Variants in SEPTIN12 observed in about 807,000 individuals in gnomAD.
The protein encoded by SEPTIN12 is septin-12.
Under a neutral mutation model 37.7 loss-of-function variants are expected in SEPTIN12, and 42 were observed. The observed-to-expected ratio is 1.11, with a 90% CI of 0.87 to 1.44. The LOEUF (loss-of-function observed/expected upper bound fraction) is 1.44. Ranked by LOEUF, SEPTIN12 falls within the 40% of genes most tolerant of loss-of-function variation. SEPTIN12 has a pLI of 0.00. For missense variants in SEPTIN12, 613 were observed against 479.2 expected, an observed-to-expected ratio of 1.28 and a Z score of -2.61; for synonymous variants, 254 against 196.7, an observed-to-expected ratio of 1.29 and a Z score of -2.44.
intron 4 of SEPTIN12, among the ~76,000 whole-genome samples, chr16:4,785,249 TA>T (rs34269550): frequency 0.42 from 60,206 of 143,906 alleles, 12,372 homozygotes; most frequent in Admixed American, 0.5. Flanking sequence ...GAGTCTGTCT[TA>T]AAAAAAAAAA....
In SEPTIN12 at chr16:4,779,716, C is replaced by T. The variant is rs764804787; in HGVS notation, c.797G>A (p.Arg266Gln). The stretch of plus-strand genomic sequence containing the variant: ...TTCAATGATGCCCCACTTGGTCTTC[C>T]GGCCCAGGACACACCTCCCGTTCAC... ...HLVNGRCVLG[R>Q]KTKWGIIEVE... is the part of the protein sequence containing the mutation. The change falls in exon 8 of 10, where the codon CGG becomes CAG. Residue 266 changes from arginine to glutamine, a missense_variant. Arg to Gln is a conservative substitution (Grantham distance 43). Transcript: ENST00000268231. 2.0e-5 allele frequency: 33 copies of T among 1,613,198 alleles called. No individual in the cohort carries two copies. Among genetic ancestry groups the T allele is most frequent in the Admixed American group, 1.8e-4 (11 of 59,986 alleles).
chr16:4,782,009 G>A (rs1167692015), intron 7 of SEPTIN12, among the ~76,000 whole-genome samples: 1 of 139,420 alleles, frequency 7.2e-6, no homozygotes, highest in Admixed American at 7.7e-5. Context: ...GGAGTGCAGT[G>A]TCACAATCTC....
intron 7 of SEPTIN12, among the ~76,000 whole-genome samples, chr16:4,780,123 T>C (rs1024775149): frequency 6.6e-6 from 1 of 152,016 alleles, no homozygotes; most frequent in Non-Finnish European, 1.5e-5. Flanking sequence ...TTATATTATA[T>C]AGCGTATTAT....
rs1011340009 is a variant in SEPTIN12, at chr16:4,781,275, C to A, written c.727-1489G>T. Among the ~76,000 whole-genome samples the A allele has an allele frequency of 4.6e-4, 68 of 149,012 alleles. 1 individual carries two copies. The highest frequency in any genetic ancestry group is 1.7e-3 in the African/African-American group (68 of 39,166). ...CTCCATCTAAAAAAAAAAAAAAGAC[C>A]CTATCTCATAAAAAAAACAACATTA... is the stretch of plus-strand genomic sequence containing the variant. On this transcript the variant is annotated intron_variant, in intron 7 of 9. Coordinates refer to ENST00000268231, the MANE Select transcript of SEPTIN12 (RefSeq NM_144605.5).
At chr16:4,779,583 G>A in intron 8 of SEPTIN12, 107 bp downstream of exon 8, 1 of 772,160 alleles carries the variant, frequency 1.3e-6, no homozygotes, top group Non-Finnish European at 2.3e-6. Flanking sequence ...TCTTTGTCTA[G>A]TGGGCTTCAC....
At position 4,787,470 on chromosome 16, in the gene SEPTIN12, T is replaced by A; in HGVS notation, c.166+10A>T. The stretch of plus-strand genomic sequence containing the variant: ...GGTCTGTCCTGCCGTGGGCCCTACC[T>A]CTCACTCACCCACCACCATGATGTT... On this transcript the variant is annotated intron_variant, in intron 2 of 9. Coordinates refer to ENST00000268231, the MANE Select transcript of SEPTIN12 (RefSeq NM_144605.5). 1 of 1,611,600 alleles carries A rather than the reference T, an allele frequency of 6.2e-7. No individual in the cohort carries two copies. Among genetic ancestry groups the A allele is most frequent in the East Asian group, 2.2e-5 (1 of 44,868 alleles).
chr16:4,786,139 TG>T (rs780329745), intron 2 of SEPTIN12, 34 bp from the exon 3 acceptor site: 64 of 1,536,044 alleles, frequency 4.2e-5, no homozygotes, highest in Non-Finnish European at 5.4e-5. Flanking sequence ...GCAGTTAGGG[TG>T]GGCGTTTTAG....
intron 7 of SEPTIN12, among the ~76,000 whole-genome samples, chr16:4,780,805 C>A (rs756853529): frequency 6.6e-6 from 1 of 152,080 alleles, no homozygotes; most frequent in Non-Finnish European, 1.5e-5. Context: ...ATGGTGAAAC[C>A]CTGTCTCTAG....
chr16:4,782,792 A>G (rs1333872116), intron 7 of SEPTIN12, among the ~76,000 whole-genome samples: 2 of 151,576 alleles, frequency 1.3e-5, no homozygotes. Context: ...TTTAGTAGAG[A>G]CGGGGTTTCG....
chr16:4,778,729 G>A (rs529563609), intron 8 of SEPTIN12, among the ~76,000 whole-genome samples: 9 of 152,178 alleles, frequency 5.9e-5, no homozygotes, highest in Non-Finnish European at 1.3e-4. Flanking sequence ...GAACCTGAGA[G>A]GCGGAAGTTG....
At chr16:4,779,580 C>T in intron 8 of SEPTIN12, 110 bp downstream of exon 8, 1 of 765,340 alleles carries the variant, frequency 1.3e-6, no homozygotes, top group Non-Finnish European at 2.3e-6. Context: ...GGCTCTTTGT[C>T]TAGTGGGCTT....
chr16:4,789,779 C>G (rs1329843810), upstream of SEPTIN12, among the ~76,000 whole-genome samples: 1 of 152,102 alleles, frequency 6.6e-6, no homozygotes, highest in Non-Finnish European at 1.5e-5. Context: ...TTTCTTATAC[C>G]AAGTCCATCT....
intron 8 of SEPTIN12, 135 bp downstream of exon 8, chr16:4,779,555 G>A: frequency 2.9e-6 from 2 of 692,820 alleles, no homozygotes; most frequent in Non-Finnish European, 2.6e-6. Flanking sequence ...GCTGGAAAGA[G>A]GGACCATTCC....
intron 7 of SEPTIN12, among the ~76,000 whole-genome samples, chr16:4,782,026 C>CTGCA (rs2082378007): frequency 7.0e-6 from 1 of 143,812 alleles, no homozygotes; most frequent in South Asian, 2.3e-4. Context: ...TCTCTGCTCA[C>CTGCA]TGCAACCTTC....
chr16:4,778,206 A>C (rs546839401), intron 8 of SEPTIN12, 69 bp from the exon 9 acceptor site: 6 of 1,470,596 alleles, frequency 4.1e-6, no homozygotes, highest in Non-Finnish European at 5.7e-6. Flanking sequence ...TGTATGCACC[A>C]CCTGACACCA....
chr16:4,781,434 A>T (rs1022447244), intron 7 of SEPTIN12, among the ~76,000 whole-genome samples: 1 of 151,776 alleles, frequency 6.6e-6, no homozygotes, highest in Non-Finnish European at 1.5e-5. Flanking sequence ...CCTTTTAGCA[A>T]TCACTCCCCA....
At chr16:4,787,297 C>T (rs1353576521) in intron 2 of SEPTIN12, among the ~76,000 whole-genome samples, 183 bp downstream of exon 2, 1 of 152,174 alleles carries the variant, frequency 6.6e-6, no homozygotes, top group Non-Finnish European at 1.5e-5. Flanking sequence ...GCTCCAGGCA[C>T]ATTTTTGTCT....
rs760896049 is a variant in SEPTIN12, at chr16:4,783,664, C to T, written c.615G>A (p.Glu205=). Residue 205 remains glutamate, a synonymous_variant, in exon 6 of 10, where the codon GAG becomes GAA. Coordinates refer to ENST00000268231, the MANE Select transcript of SEPTIN12 (RefSeq NM_144605.5). ...RADSLTMEER[E]AFRRRIQQNL... ...TCCAGATCACCCTGCGCCTGAAGGC[C>T]TCTCGCTCCTCCATGGTCAGGCTGT... 10 of 1,613,932 alleles carry T rather than the reference C, an allele frequency of 6.2e-6. No individual in the cohort carries two copies. Among genetic ancestry groups the T allele is most frequent in the East Asian group, 2.2e-5 (1 of 44,890 alleles).
At chr16:4,779,572 C>G (rs2082350070) in intron 8 of SEPTIN12, 118 bp downstream of exon 8, 1 of 735,472 alleles carries the variant, frequency 1.4e-6, no homozygotes, top group Admixed American at 2.1e-5. Flanking sequence ...TTCCCCAGGG[C>G]TCTTTGTCTA....
Sources: gnomAD v4.1 joint callset for allele counts (sites outside exome capture counted in the v4.1 genomes callset) on GRCh38, gnomAD v4.1.1 for gene constraint, MANE v1.5 for transcripts, NCBI Gene and HGNC (gene_info 2026-07-23, HGNC 2026-07-21) for gene names.